AREL1: variants seen among roughly 807,000 people sequenced by gnomAD.
AREL1 encodes apoptosis-resistant E3 ubiquitin protein ligase 1.
Under a neutral mutation model 99.0 loss-of-function variants are expected in AREL1, and 62 were observed. That is an observed-to-expected ratio of 0.63 (90% CI 0.51 to 0.77). The LOEUF (loss-of-function observed/expected upper bound fraction) is 0.77. Ranked by LOEUF, AREL1 falls within the 30% of genes least tolerant of loss-of-function variation. The pLI is 0.00. For missense variants in AREL1, 879 were observed against 1,027.6 expected (o/e 0.86, Z 1.98); for synonymous variants, 380 against 376.5 (o/e 1.01, Z -0.11).
chr14:74,674,256 A>G, intron 8 of AREL1, 145 bp from the exon 9 acceptor site: 1 of 643,678 alleles, frequency 1.6e-6, no homozygotes, highest in Non-Finnish European at 2.6e-6. Flanking sequence ...AGTGAGTACT[A>G]AAGTCAAATA....
At position 74,664,851 on chromosome 14, in the gene AREL1, C is replaced by T; in HGVS notation, c.2178G>A (p.Trp726Ter). The T allele has an allele frequency of 6.2e-7, 1 of 1,613,446 alleles. No individual in the cohort carries two copies. Among genetic ancestry groups the T allele is most frequent in the Non-Finnish European group, 8.5e-7 (1 of 1,179,594 alleles). ...KAHAVVVGGS[W>*]HFREKVMRWF... ...GTCCATTTACCTTTTCTCTGAAATGCCATGAGCCACCAACAACTACTGCAT... is the reference window on the plus strand; with the variant it reads ...GTCCATTTACCTTTTCTCTGAAATGTCATGAGCCACCAACAACTACTGCAT... Residue 726 changes from tryptophan to a stop codon, truncating the protein, a stop_gained, in exon 18 of 20, where the codon TGG becomes TGA. Transcript: ENST00000356357. LOFTEE classifies it high-confidence loss of function.
intron 2 of AREL1, among the ~76,000 whole-genome samples, chr14:74,688,061 T>A (rs1225259528): frequency 7.2e-6 from 1 of 138,800 alleles, no homozygotes; most frequent in Non-Finnish European, 1.5e-5. Flanking sequence ...AGTCTCACAC[T>A]GTCACCCAGG....
intron 1 of AREL1, among the ~76,000 whole-genome samples, chr14:74,702,126 C>T (rs1292350704): frequency 6.6e-6 from 1 of 152,202 alleles, no homozygotes; most frequent in Non-Finnish European, 1.5e-5. Flanking sequence ...GTGAATCTAC[C>T]ACTCTGGGGT....
chr14:74,706,361 T>C (rs1594771797), intron 1 of AREL1, among the ~76,000 whole-genome samples: 1 of 152,206 alleles, frequency 6.6e-6, no homozygotes, highest in Admixed American at 6.5e-5. Context: ...TGGTCACACG[T>C]ATACTTAAAA....
chr14:74,686,288 G>A (rs892216476), intron 2 of AREL1, among the ~76,000 whole-genome samples: 9 of 152,148 alleles, frequency 5.9e-5, no homozygotes, highest in African/African-American at 1.7e-4. Flanking sequence ...AGGAACAAAA[G>A]GAGACTGTAC....
At chr14:74,688,072 C>T (rs1274310918) in intron 2 of AREL1, among the ~76,000 whole-genome samples, 8 of 134,302 alleles carry the variant, frequency 6.0e-5, no homozygotes, top group Non-Finnish European at 9.2e-5. Context: ...GTCACCCAGG[C>T]TGGAGTGCAG....
At chr14:74,710,186 C>T (rs931344290) in intron 1 of AREL1, among the ~76,000 whole-genome samples, 16 of 152,304 alleles carry the variant, frequency 1.1e-4, no homozygotes, top group East Asian at 7.7e-4. Context: ...TTTCATTTCA[C>T]GCTATAAGAA....
At position 74,675,837 on chromosome 14, in the gene AREL1, C is replaced by G; in HGVS notation, c.942G>C (p.Leu314=). Reference sequence around the variant, plus strand: ...GGGAAGAGGTCATGTGCATGGGTGGCAGGTGCCATGGAGTGCTGCTACAGT... The same window carrying G: ...GGGAAGAGGTCATGTGCATGGGTGGGAGGTGCCATGGAGTGCTGCTACAGT... ...ATNCSSTPWH[L]PPMHMTSSQR... is the part of the protein sequence containing the mutation. The change falls in exon 8 of 20, where the codon CTG becomes CTC. Residue 314 remains leucine, a synonymous_variant. Transcript: ENST00000356357. 6.2e-7 allele frequency: 1 copy of G among 1,614,154 alleles called. No homozygotes were observed. Among genetic ancestry groups the G allele is most frequent in the Non-Finnish European group, 8.5e-7 (1 of 1,180,024 alleles).
At chr14:74,686,492 C>T (rs1027143455) in intron 2 of AREL1, among the ~76,000 whole-genome samples, 1 of 152,202 alleles carries the variant, frequency 6.6e-6, no homozygotes, top group Non-Finnish European at 1.5e-5. Flanking sequence ...TTAGCACAGG[C>T]TGTATATGCT....
In AREL1 at chr14:74,676,660, G is replaced by A. The variant is rs910393595; in HGVS notation, c.574C>T (p.Arg192Ter). 2.5e-6 allele frequency: 4 copies of A among 1,613,958 alleles called. No homozygotes were observed. Among genetic ancestry groups the A allele is most frequent in the South Asian group, 1.1e-5 (1 of 91,084 alleles). Residue 192 changes from arginine (R) to a stop codon, truncating the protein, a stop_gained, in exon 6 of 20, where the codon CGA (arginine) becomes TGA (stop). Coordinates refer to ENST00000356357, the MANE Select transcript of AREL1 (RefSeq NM_001039479.2). LOFTEE classifies it high-confidence loss of function. ...TTGGTGGGATTATCATACTCATCTC[G>A]GGGTACTATTTGAAGGGTGTGCGGC... ...GQPHTLQIVP[R>*]DEYDNPTNNS...
Position 74,674,068 on chromosome 14 carries a change from C to T in AREL1, c.1124G>A (p.Arg375His), listed in dbSNP as rs757996581. 69 of 1,613,626 alleles carry T rather than the reference C, an allele frequency of 4.3e-5. No homozygotes were observed. The highest frequency in any genetic ancestry group is 8.0e-5 in the African/African-American group (6 of 74,888). Residue 375 changes from arginine to histidine, a missense_variant, in exon 9 of 20, where the codon CGC becomes CAC. Arg to His is a conservative substitution (Grantham distance 29, BLOSUM62 0). Coordinates refer to ENST00000356357, the MANE Select transcript of AREL1 (RefSeq NM_001039479.2). ...KEFYLKIIPWRLYTFRVCPGT... is the reference protein window; with the variant it reads ...KEFYLKIIPWHLYTFRVCPGT... ...TGGACACACTCGGAAGGTGTAAAGGCGCCAGGGGATGATCTTCAGGTAGAA... is the reference window on the plus strand; with the variant it reads ...TGGACACACTCGGAAGGTGTAAAGGTGCCAGGGGATGATCTTCAGGTAGAA...
intron 1 of AREL1, among the ~76,000 whole-genome samples, chr14:74,706,884 G>A (rs1053905137): frequency 1.3e-5 from 2 of 152,132 alleles, no homozygotes; most frequent in Non-Finnish European, 2.9e-5. Flanking sequence ...TCACCCTCCT[G>A]GAAGCAAAGT....
chr14:74,663,728 T>C lies in AREL1; in HGVS notation c.2464A>G (p.Met822Val). ...GGATGACAGGAGAGTGGTCAGAGCA[T>C]GCCAAAGCCCTCGCAACCCTCGCTG... ...AISEGCEGFG[M>V]L Residue 822 changes from methionine to valine, a missense_variant, in exon 20 of 20, where the codon ATG becomes GTG. Coordinates refer to ENST00000356357, the MANE Select transcript of AREL1 (RefSeq NM_001039479.2). 2.5e-6 allele frequency: 4 copies of C among 1,613,888 alleles called. No homozygotes were observed. The highest frequency in any genetic ancestry group is 2.2e-5 in the South Asian group (2 of 91,054).
At chr14:74,707,518 G>A (rs570241303) in intron 1 of AREL1, among the ~76,000 whole-genome samples, 10 of 152,086 alleles carry the variant, frequency 6.6e-5, no homozygotes, top group African/African-American at 1.9e-4. Context: ...AAAAATGGCC[G>A]GGCACAGTGG....
chr14:74,676,391 C>G (rs1305669533), intron 6 of AREL1, 70 bp from the exon 7 acceptor site: 2 of 1,536,292 alleles, frequency 1.3e-6, no homozygotes, highest in African/African-American at 2.8e-5. Flanking sequence ...TTACTCCTTA[C>G]AAAGAGCTTT....
chr14:74,704,351 G>C (rs925825754), intron 1 of AREL1, among the ~76,000 whole-genome samples: 2 of 152,184 alleles, frequency 1.3e-5, no homozygotes, highest in Admixed American at 1.3e-4. Flanking sequence ...TTGGGGCACA[G>C]CTTGCTTTTA....
chr14:74,688,019 C>CATT (rs1566693658), intron 2 of AREL1, among the ~76,000 whole-genome samples: 2 of 108,718 alleles, frequency 1.8e-5, no homozygotes, highest in African/African-American at 3.6e-5. Context: ...TGAGTACTTA[C>CATT]TTTTTTTTTT....
chr14:74,671,409 T>C lies in AREL1; in HGVS notation c.1497A>G (p.Glu499=), dbSNP rs1363572109. 2.1e-6 allele frequency: 3 copies of C among 1,443,826 alleles called. No individual in the cohort carries two copies. In the South Asian group the frequency reaches 3.6e-5, roughly 17 times the overall value. The allele number at this position is 1,443,826 out of a possible 1,614,324, so 89.4% of individuals were successfully genotyped here. ...KNFEVVFQDE[E]ALDWGGPRRE... ...TGAATATAAAATTTCAAAACTGACC[T>C]TCTTCATCCTGGAAAACAACCTCAA... Residue 499 remains glutamate (E), a splice_region_variant and synonymous_variant, in exon 12 of 20, where the codon GAA becomes GAG. Coordinates refer to ENST00000356357, the MANE Select transcript of AREL1 (RefSeq NM_001039479.2).
chr14:74,683,612 G>A (rs2089683748), intron 4 of AREL1, 79 bp from the exon 5 acceptor site: 4 of 1,322,142 alleles, frequency 3.0e-6, no homozygotes, highest in Non-Finnish European at 1.1e-6. Flanking sequence ...TGGGGAGAGA[G>A]GAAGTAGCTG....
Sources: gnomAD v4.1 joint callset for allele counts (sites outside exome capture counted in the v4.1 genomes callset) on GRCh38, gnomAD v4.1.1 for gene constraint, MANE v1.5 for transcripts, NCBI Gene and HGNC (gene_info 2026-07-23, HGNC 2026-07-21) for gene names.